HS3ST5: variants seen among roughly 807,000 people sequenced by gnomAD.
HS3ST5 encodes the protein heparan sulfate glucosamine 3-O-sulfotransferase 5.
A neutral mutation model predicts 25.4 loss-of-function variants in HS3ST5; 10 were observed. That is an observed-to-expected ratio of 0.39 (90% CI 0.24 to 0.67). HS3ST5 has a LOEUF of 0.67. Among genes scored for constraint, HS3ST5 ranks in the 30% least tolerant of loss-of-function variants. The pLI is 0.44. For missense variants in HS3ST5, 324 were observed against 420.7 expected, an observed-to-expected ratio of 0.77 and a Z score of 2.01; for synonymous variants, 170 against 162.4, an observed-to-expected ratio of 1.05 and a Z score of -0.36.
chr6:114,197,476 AT>A (rs971458030), intron 2 of HS3ST5, among the ~76,000 whole-genome samples: 1 of 152,090 alleles, frequency 6.6e-6, no homozygotes, highest in African/African-American at 2.4e-5. Context: ...ATATATATTT[AT>A]TTTAATTTCC....
At chr6:114,339,055 A>G (rs1776721742) in intron 1 of HS3ST5, among the ~76,000 whole-genome samples, 1 of 152,110 alleles carries the variant, frequency 6.6e-6, no homozygotes, top group African/African-American at 2.4e-5. Context: ...CTATTATTCC[A>G]TTACCAAATA....
intron 1 of HS3ST5, among the ~76,000 whole-genome samples, chr6:114,272,957 C>T (rs979617697): frequency 6.6e-6 from 1 of 152,020 alleles, no homozygotes; most frequent in African/African-American, 2.4e-5. Flanking sequence ...TGACAGCAGC[C>T]TTGCAAGTCA....
At chr6:114,067,008 C>T (rs932892397) in intron 3 of HS3ST5, among the ~76,000 whole-genome samples, 3 of 152,230 alleles carry the variant, frequency 2.0e-5, no homozygotes, top group Admixed American at 6.5e-5. Flanking sequence ...TCACTCACTC[C>T]AGCCTCTGAG....
rs758229106 is a variant in HS3ST5 at position 114,057,254 on chromosome 6, A to C, written c.*3T>G. 1 of 1,600,558 alleles carries C rather than the reference A, an allele frequency of 6.2e-7. No homozygotes were observed. The highest frequency in any genetic ancestry group is 8.6e-7 in the Non-Finnish European group (1 of 1,169,196). On this transcript the variant is annotated 3_prime_UTR_variant, in exon 5 of 5. Transcript: ENST00000312719. ...AACACATAGTGTTGTATGACATATT[A>C]TTTTAGGGCCAGTTCAATGTCCTCC...
chr6:114,104,420 T>C (rs879392793), intron 3 of HS3ST5, among the ~76,000 whole-genome samples: 1 of 152,170 alleles, frequency 6.6e-6, no homozygotes, highest in Non-Finnish European at 1.5e-5. Context: ...CCATAGCCAT[T>C]TTACTCTGCA....
At chr6:114,117,148 A>G (rs548576871) in intron 3 of HS3ST5, among the ~76,000 whole-genome samples, 1 of 152,302 alleles carries the variant, frequency 6.6e-6, no homozygotes, top group Admixed American at 6.5e-5. Context: ...ATTTTAATTC[A>G]TTAGAATACT....
intron 1 of HS3ST5, among the ~76,000 whole-genome samples, chr6:114,292,707 T>G (rs1171175394): frequency 6.6e-6 from 1 of 152,234 alleles, no homozygotes; most frequent in Non-Finnish European, 1.5e-5. Flanking sequence ...ACAGTCATCC[T>G]TCAGTATCCA....
At chr6:114,173,797 G>A (rs1582680585) in intron 2 of HS3ST5, among the ~76,000 whole-genome samples, 5 of 151,872 alleles carry the variant, frequency 3.3e-5, no homozygotes, top group Admixed American at 3.3e-4. Context: ...AGGCAGAGGT[G>A]GCAGTGAGCC....
intron 1 of HS3ST5, among the ~76,000 whole-genome samples, chr6:114,234,238 C>T (rs1399481310): frequency 6.6e-6 from 1 of 151,656 alleles, no homozygotes; most frequent in Non-Finnish European, 1.5e-5. Flanking sequence ...TTTCTATATA[C>T]CTGTTATTCA....
chr6:114,282,558 T>C (rs906523678), intron 1 of HS3ST5, among the ~76,000 whole-genome samples: 8 of 151,952 alleles, frequency 5.3e-5, no homozygotes, highest in Non-Finnish European at 1.0e-4. Flanking sequence ...CGGTGACTTT[T>C]CCTCCCCCTG....
intron 3 of HS3ST5, among the ~76,000 whole-genome samples, chr6:114,071,193 C>T (rs1773800078): frequency 6.6e-6 from 1 of 152,182 alleles, no homozygotes; most frequent in South Asian, 2.1e-4. Context: ...CTTGAAAATA[C>T]CAAGTCTGTA....
At chr6:114,263,345 A>G (rs1052359763) in intron 1 of HS3ST5, among the ~76,000 whole-genome samples, 1 of 152,148 alleles carries the variant, frequency 6.6e-6, no homozygotes, top group Admixed American at 6.6e-5. Flanking sequence ...AACTTATAAG[A>G]AAAAGATCTT....
chr6:114,259,152 T>A (rs188618144), intron 1 of HS3ST5, among the ~76,000 whole-genome samples: 81 of 152,344 alleles, frequency 5.3e-4, no homozygotes, highest in African/African-American at 1.9e-3. Context: ...ATACCCTTTA[T>A]AAACTAGAGA....
chr6:114,157,938 G>C (rs1778776090), intron 3 of HS3ST5, among the ~76,000 whole-genome samples: 1 of 152,080 alleles, frequency 6.6e-6, no homozygotes, highest in African/African-American at 2.4e-5. Context: ...TGCCTCCTCT[G>C]CCTATTGCAT....
At chr6:114,326,034 T>TGG (rs2114898006) in intron 1 of HS3ST5, among the ~76,000 whole-genome samples, 1 of 151,512 alleles carries the variant, frequency 6.6e-6, no homozygotes, top group African/African-American at 2.4e-5. Context: ...TTATTTAAAT[T>TGG]GCAATGCAAT....
Position 114,057,346 on chromosome 6 carries a change from G to A in HS3ST5, c.952C>T (p.Pro318Ser), listed in dbSNP as rs2114689669. 1 of 1,613,392 alleles carries A rather than the reference G, an allele frequency of 6.2e-7. No individual in the cohort carries two copies. The highest frequency in any genetic ancestry group is 8.5e-7 in the Non-Finnish European group (1 of 1,179,586). Reference sequence around the variant, plus strand: ...TTGCGCAATTTAGTAATGACAGAGGGGTCCACCTCTGGATGAATGCGCCCC... The same window carrying A: ...TTGCGCAATTTAGTAATGACAGAGGAGTCCACCTCTGGATGAATGCGCCCC... ...SKGRIHPEVD[P>S]SVITKLRKFF... The change falls in exon 5 of 5, where the codon CCC (proline) becomes TCC (serine). Residue 318 changes from proline (P) to serine (S), a missense_variant. Transcript: ENST00000312719.
chr6:114,203,601 A>G (rs1781129583), intron 2 of HS3ST5, among the ~76,000 whole-genome samples: 1 of 152,208 alleles, frequency 6.6e-6, no homozygotes, highest in African/African-American at 2.4e-5. Flanking sequence ...CCAAATGCAC[A>G]GCAAGGAACT....
At chr6:114,162,642 C>G (rs1005676734) in intron 3 of HS3ST5, among the ~76,000 whole-genome samples, 1 of 152,214 alleles carries the variant, frequency 6.6e-6, no homozygotes, top group Non-Finnish European at 1.5e-5. Flanking sequence ...CTTTGGCTGT[C>G]TGGCCTCACC....
intron 1 of HS3ST5, among the ~76,000 whole-genome samples, chr6:114,262,836 T>C (rs2114673197): frequency 6.6e-6 from 1 of 152,318 alleles, no homozygotes; most frequent in African/African-American, 2.4e-5. Flanking sequence ...GAGTTTTTAT[T>C]GGAGATGTGG....
Sources: allele counts gnomAD v4.1 joint callset (sites outside exome capture counted in the v4.1 genomes callset), GRCh38; gene constraint gnomAD v4.1.1; transcripts MANE v1.5; gene names NCBI Gene and HGNC (gene_info 2026-07-23, HGNC 2026-07-21).